RANBP2: variants seen among roughly 807,000 people sequenced by gnomAD.
RANBP2 encodes the protein E3 SUMO-protein ligase RanBP2.
RANBP2 carries 57 observed loss-of-function variants against 303.6 expected under a neutral mutation model. That is an observed-to-expected ratio of 0.19 (90% CI 0.15 to 0.23). The LOEUF (loss-of-function observed/expected upper bound fraction) is 0.23, where lower values mean the gene tolerates loss of function less well. RANBP2 is among the 10% of genes least tolerant of loss of function. RANBP2 has a pLI of 1.00. For synonymous variants in RANBP2, 1,167 were observed against 1,301.5 expected (o/e 0.90, Z 2.23); for missense variants, 3,138 against 3,780.8 (o/e 0.83, Z 4.46).
chr2:108,962,700 A>AAGAG, the RANBP2 span, among the ~76,000 whole-genome samples: 28 of 128,872 alleles, frequency 2.2e-4, 2 homozygotes, highest in African/African-American at 6.5e-4. Context: ...AAAAAAAAAA[A>AAGAG]AGAGAGAAAG....
chr2:109,390,577 G>A, the RANBP2 span, among the ~76,000 whole-genome samples: 5 of 152,208 alleles, frequency 3.3e-5, no homozygotes, highest in African/African-American at 9.6e-5. Context: ...ATTTCCCCGT[G>A]AGGACTAGGG....
chr2:108,815,119 G>T, the RANBP2 span, among the ~76,000 whole-genome samples: 1 of 152,158 alleles, frequency 6.6e-6, no homozygotes, highest in South Asian at 2.1e-4. Context: ...CAGAGGACAA[G>T]ATTTCTAGGA....
At chr2:109,200,650 ACCTGGCCAAG>A in the RANBP2 span, among the ~76,000 whole-genome samples, 2 of 151,812 alleles carry the variant, frequency 1.3e-5, no homozygotes, top group East Asian at 3.9e-4. Flanking sequence ...CCCCACCCCT[ACCTGGCCAAG>A]CTGGAGGCCT....
chr2:109,588,648 G>A, the RANBP2 span, among the ~76,000 whole-genome samples: 24 of 151,888 alleles, frequency 1.6e-4, no homozygotes, highest in Non-Finnish European at 2.5e-4. Flanking sequence ...CGCCCACCAC[G>A]CCTGGCTAAT....
chr2:108,998,086 C>T, the RANBP2 span, among the ~76,000 whole-genome samples: 1 of 152,150 alleles, frequency 6.6e-6, no homozygotes, highest in Admixed American at 6.6e-5. Flanking sequence ...CTGTTGCTCT[C>T]CCTACACTCT....
At chr2:108,891,704 G>T in the RANBP2 span, among the ~76,000 whole-genome samples, 3 of 152,182 alleles carry the variant, frequency 2.0e-5, no homozygotes, top group Non-Finnish European at 4.4e-5. Flanking sequence ...GTGTAGGTGG[G>T]TTTTTGGGCC....
At chr2:109,371,486 A>G in the RANBP2 span, 37 of 899,674 alleles carry the variant, frequency 4.1e-5, no homozygotes, top group African/African-American at 4.7e-4. Flanking sequence ...CATTCCTTGG[A>G]ATCTCTTCCG....
At chr2:109,192,164 T>C in the RANBP2 span, among the ~76,000 whole-genome samples, 7 of 152,194 alleles carry the variant, frequency 4.6e-5, no homozygotes, top group African/African-American at 1.7e-4. Context: ...AGCGGTTCGG[T>C]TCTACATATG....
chr2:109,339,191 C>G, the RANBP2 span, among the ~76,000 whole-genome samples: 1 of 149,826 alleles, frequency 6.7e-6, no homozygotes, highest in Non-Finnish European at 1.5e-5. Context: ...AAGGGAGGCA[C>G]ACTCGGTATA....
the RANBP2 span, among the ~76,000 whole-genome samples, chr2:109,097,303 AAAAACAAAACAAAAAAC>A: frequency 1.5e-5 from 2 of 136,046 alleles, no homozygotes; most frequent in Non-Finnish European, 3.1e-5. Context: ...ACTCCATCTC[AAAAACAAAACAAAAAAC>A]AAAACAAAAC....
chr2:109,007,121 G>A, the RANBP2 span, among the ~76,000 whole-genome samples: 2 of 152,194 alleles, frequency 1.3e-5, no homozygotes, highest in Admixed American at 6.5e-5. Flanking sequence ...CAGCTTTGAC[G>A]CATTGCATAT....
chr2:109,443,133 T>C, the RANBP2 span, among the ~76,000 whole-genome samples: 1 of 152,284 alleles, frequency 6.6e-6, no homozygotes, highest in Non-Finnish European at 1.5e-5. Flanking sequence ...GTGTGTGGCA[T>C]GCGTGCATGG....
the RANBP2 span, among the ~76,000 whole-genome samples, chr2:108,843,308 C>T: frequency 6.6e-6 from 1 of 152,250 alleles, no homozygotes; most frequent in South Asian, 2.1e-4. Context: ...CAGGCGCCCA[C>T]CACCATGCCT....
At chr2:109,384,027 T>A in the RANBP2 span, among the ~76,000 whole-genome samples, 1 of 152,180 alleles carries the variant, frequency 6.6e-6, no homozygotes, top group Non-Finnish European at 1.5e-5. Flanking sequence ...CCTTTCCATC[T>A]CTGCTTCCAT....
the RANBP2 span, among the ~76,000 whole-genome samples, chr2:109,400,339 CAT>C: frequency 1.9e-4 from 29 of 152,238 alleles, no homozygotes; most frequent in South Asian, 4.2e-4. Flanking sequence ...CACACCCACA[CAT>C]GTGCACTTAC....
chr2:109,040,761 C>A, the RANBP2 span, among the ~76,000 whole-genome samples: 1 of 152,144 alleles, frequency 6.6e-6, no homozygotes, highest in Non-Finnish European at 1.5e-5. Context: ...TAAATTTAAT[C>A]TTCTAAAAGA....
Position 108,736,018 on chromosome 2 carries a change from T to A in RANBP2, c.637-86T>A, listed in dbSNP as rs1033743552. 1.9e-6 allele frequency: 3 copies of A among 1,609,266 alleles called. No individual in the cohort carries two copies. The African/African-American group carries it at 4.0e-5, about 22-fold the overall frequency. ...TATAGTTTCACAAATGTGGTTGGAGTGAGAAAAGGAATTTGTAGGCTTAAA... is the reference window on the plus strand; with the variant it reads ...TATAGTTTCACAAATGTGGTTGGAGAGAGAAAAGGAATTTGTAGGCTTAAA... On this transcript the variant is annotated intron_variant, in intron 5 of 28. Transcript: ENST00000283195.
chr2:109,276,692 C>G, the RANBP2 span, among the ~76,000 whole-genome samples: 1 of 152,068 alleles, frequency 6.6e-6, no homozygotes, highest in South Asian at 2.1e-4. Flanking sequence ...AGATAGAGAC[C>G]CTTTTTGGCT....
At chr2:109,699,205 G>C in the RANBP2 span, among the ~76,000 whole-genome samples, 3 of 152,182 alleles carry the variant, frequency 2.0e-5, no homozygotes, top group African/African-American at 7.2e-5. Context: ...GCACTAGTCA[G>C]TTCTCAAAGG....
Sources: allele counts gnomAD v4.1 joint callset (sites outside exome capture counted in the v4.1 genomes callset), GRCh38; gene constraint gnomAD v4.1.1; transcripts MANE v1.5; gene names NCBI Gene and HGNC (gene_info 2026-07-23, HGNC 2026-07-21).